The following SORCS2 variants were observed in gnomAD, a reference collection of about 807,000 sequenced individuals.
SORCS2 encodes the protein sortilin related VPS10 domain containing receptor 2.
Under a neutral mutation model 141.6 loss-of-function variants are expected in SORCS2, and 100 were observed. The observed-to-expected ratio is 0.71, with a 90% CI of 0.60 to 0.83. SORCS2 has a LOEUF of 0.83. SORCS2 is among the 40% of genes least tolerant of loss of function. The probability of loss-of-function intolerance (pLI) is 0.00; values close to 1 mark genes in which losing one functional copy is unlikely to be tolerated. For missense variants in SORCS2, 1,646 were observed against 1,560.2 expected, an observed-to-expected ratio of 1.05 and a Z score of -0.93; for synonymous variants, 789 against 676.9, an observed-to-expected ratio of 1.17 and a Z score of -2.57.
intron 2 of SORCS2, among the ~76,000 whole-genome samples, chr4:7,477,395 A>AC (rs201303097): frequency 0.85 from 117,098 of 138,136 alleles, 50,295 homozygotes; most frequent in South Asian, 0.95. Flanking sequence ...ATTGGGGCTG[A>AC]CATGGCTGAC....
In SORCS2 at chr4:7,572,417, C is replaced by T. The variant is rs529966069; in HGVS notation, c.648+40788C>T. Among the ~76,000 whole-genome samples the T allele has an allele frequency of 2.0e-5, 3 of 152,114 alleles. No homozygotes were observed. The South Asian group carries it at 6.2e-4, about 32-fold the overall frequency. ...AATCATTTACGTTTAATCATTTAAA[C>T]GTAAGTTTCTTTACGTGAATTTTTT... On this transcript the variant is annotated intron_variant, in intron 3 of 26. Coordinates refer to ENST00000507866, the MANE Select transcript of SORCS2 (RefSeq NM_020777.3).
At chr4:7,613,906 A>G (rs1308824432) in intron 3 of SORCS2, among the ~76,000 whole-genome samples, 2 of 151,776 alleles carry the variant, frequency 1.3e-5, no homozygotes, top group African/African-American at 4.8e-5. Context: ...CTATCCACCT[A>G]TCCACTCATC....
At position 7,588,390 on chromosome 4, in the gene SORCS2, T is replaced by C. The variant is rs566808923; in HGVS notation, c.649-49938T>C. Reference sequence around the variant, plus strand: ...CTGGCCTCTGGTAGGTGTCCTCTTGTAATTGGAAATCCCTACATTTCTCCT... The same window carrying C: ...CTGGCCTCTGGTAGGTGTCCTCTTGCAATTGGAAATCCCTACATTTCTCCT... On this transcript the variant is annotated intron_variant, in intron 3 of 26. Coordinates refer to ENST00000507866, the MANE Select transcript of SORCS2 (RefSeq NM_020777.3). Among the ~76,000 whole-genome samples the C allele has an allele frequency of 2.6e-5, 4 of 152,314 alleles. No individual in the cohort carries two copies. The South Asian group carries it at 8.3e-4, about 32-fold the overall frequency.
At chr4:7,438,636 TCTCC>T (rs1370065820) in intron 2 of SORCS2, among the ~76,000 whole-genome samples, 2 of 151,932 alleles carry the variant, frequency 1.3e-5, no homozygotes, top group Non-Finnish European at 2.9e-5. Flanking sequence ...CTTTCTCCTC[TCTCC>T]CTCCCTGCCT....
At chr4:7,246,200 A>G (rs1713070687) in intron 1 of SORCS2, among the ~76,000 whole-genome samples, 1 of 152,218 alleles carries the variant, frequency 6.6e-6, no homozygotes, top group Non-Finnish European at 1.5e-5. Flanking sequence ...GCATCATTCT[A>G]TGGCCTGGGT....
rs1425626734 is a variant in SORCS2, at chr4:7,724,471, GTGATGGTGGTGA to G, written c.2611+591_2611+602del. On this transcript the variant is annotated intron_variant, in intron 19 of 26. Transcript: ENST00000507866. Reference sequence around the variant, plus strand: ...GGTGGTGGTGATGGTGGTGGTGATGGTGATGGTGGTGATGGTGGTGGTGGTGACAATGGTGGT... The same window carrying G: ...GGTGGTGGTGATGGTGGTGGTGATGGTGGTGGTGGTGGTGACAATGGTGGT... Among the ~76,000 whole-genome samples, 40 of 72,236 alleles carry G rather than the reference GTGATGGTGGTGA, an allele frequency of 5.5e-4. 1 individual carries two copies. The highest frequency in any genetic ancestry group is 4.6e-3 in the South Asian group (7 of 1,510). The allele number at this position is 72,236 out of a possible 152,430, so 47.4% of individuals were successfully genotyped here.
At chr4:7,606,071 CG>C (rs1040137045) in intron 3 of SORCS2, among the ~76,000 whole-genome samples, 8 of 152,160 alleles carry the variant, frequency 5.3e-5, no homozygotes, top group Non-Finnish European at 1.0e-4. Context: ...TGAGTGGAGA[CG>C]GGGACTCCTT....
chr4:7,283,007 TCA>T (rs1321783947), intron 1 of SORCS2, among the ~76,000 whole-genome samples: 1 of 152,208 alleles, frequency 6.6e-6, no homozygotes, highest in African/African-American at 2.4e-5. Flanking sequence ...ATTAATTCAC[TCA>T]TTCACCCATT....
At chr4:7,724,587 G>GATA (rs1726963661) in intron 19 of SORCS2, among the ~76,000 whole-genome samples, 1 of 102,500 alleles carries the variant, frequency 9.8e-6, no homozygotes, top group Non-Finnish European at 2.0e-5. Flanking sequence ...TGATGGTGGT[G>GATA]GTGTTGGTGA....
chr4:7,691,503 G>C (rs1724251173), intron 11 of SORCS2, among the ~76,000 whole-genome samples: 1 of 152,152 alleles, frequency 6.6e-6, no homozygotes, highest in African/African-American at 2.4e-5. Context: ...CACCTGGGAA[G>C]GGAGGGGATT....
chr4:7,472,424 C>T (rs1282476974), intron 2 of SORCS2, among the ~76,000 whole-genome samples: 4 of 152,142 alleles, frequency 2.6e-5, no homozygotes, highest in African/African-American at 9.6e-5. Flanking sequence ...GAGGGGATGG[C>T]GTGGAGTGTC....
chr4:7,702,287 C>T (rs1335288230), intron 12 of SORCS2, among the ~76,000 whole-genome samples: 9 of 152,122 alleles, frequency 5.9e-5, no homozygotes, highest in Non-Finnish European at 1.2e-4. Context: ...CGGTATGGGG[C>T]GAGGGCGATG....
chr4:7,491,681 A>G (rs1248814843), intron 2 of SORCS2, among the ~76,000 whole-genome samples: 1 of 152,190 alleles, frequency 6.6e-6, no homozygotes, highest in Non-Finnish European at 1.5e-5. Flanking sequence ...GTGGTTATGA[A>G]ACCTGTATTA....
At chr4:7,533,855 A>G (rs1036863277) in intron 3 of SORCS2, among the ~76,000 whole-genome samples, 2 of 152,198 alleles carry the variant, frequency 1.3e-5, no homozygotes, top group African/African-American at 4.8e-5. Flanking sequence ...CCATGAGATG[A>G]TACATAGAAT....
intron 1 of SORCS2, among the ~76,000 whole-genome samples, chr4:7,227,649 G>T (rs923126962): frequency 4.6e-5 from 7 of 152,068 alleles, no homozygotes; most frequent in African/African-American, 1.7e-4. Flanking sequence ...CCATTGCCAG[G>T]GAGTCGTTTC....
At chr4:7,683,378 G>A (rs10019402) in intron 10 of SORCS2, among the ~76,000 whole-genome samples, 399 of 20,526 alleles carry the variant, frequency 0.019, 12 homozygotes, top group African/African-American at 0.026. Flanking sequence ...GGCTCAGCTG[G>A]GTGGCTCTGC....
At chr4:7,721,957 AGGG>A (rs1726616102) in intron 18 of SORCS2, among the ~76,000 whole-genome samples, 1 of 152,168 alleles carries the variant, frequency 6.6e-6, no homozygotes, top group Non-Finnish European at 1.5e-5. Context: ...ATGTGAATGG[AGGG>A]TATTATGGTG....
chr4:7,497,390 C>T (rs1174953875), intron 2 of SORCS2, among the ~76,000 whole-genome samples: 2 of 152,182 alleles, frequency 1.3e-5, no homozygotes, highest in African/African-American at 2.4e-5. Context: ...CAGGGCTGAG[C>T]AGCTTCTAAA....
At chr4:7,409,494 TC>T (rs1476147565) in intron 2 of SORCS2, among the ~76,000 whole-genome samples, 1 of 152,214 alleles carries the variant, frequency 6.6e-6, no homozygotes, top group Non-Finnish European at 1.5e-5. Flanking sequence ...TGGTAGTCCT[TC>T]CTCCCTTGTC....
Sources: allele counts gnomAD v4.1 joint callset (sites outside exome capture counted in the v4.1 genomes callset), GRCh38; gene constraint gnomAD v4.1.1; transcripts MANE v1.5; gene names NCBI Gene and HGNC (gene_info 2026-07-23, HGNC 2026-07-21).